The following KCNJ15 variants were observed in gnomAD, a reference collection of about 807,000 sequenced individuals.
KCNJ15 encodes the protein ATP-sensitive inward rectifier potassium channel 15.
In KCNJ15, 14 loss-of-function variants were observed where a neutral mutation model predicts 23.0. That is an observed-to-expected ratio of 0.61 (90% CI 0.40 to 0.95). KCNJ15 has a LOEUF of 0.95. KCNJ15 is among the 40% of genes least tolerant of loss of function. The pLI is 0.00. For synonymous variants in KCNJ15, 185 were observed against 183.2 expected (o/e 1.01, Z -0.08); for missense variants, 388 against 461.8 (o/e 0.84, Z 1.46).
At chr21:38,238,538 G>C (rs1978776144) in intron 1 of KCNJ15, 1 of 639,142 alleles carries the variant, frequency 1.6e-6, no homozygotes, top group Non-Finnish European at 3.0e-6. Context: ...AATGCCACCG[G>C]GACATGGTGC....
intron 1 of KCNJ15, among the ~76,000 whole-genome samples, chr21:38,271,812 G>T (rs1357953288): frequency 6.6e-6 from 1 of 152,262 alleles, no homozygotes; most frequent in East Asian, 1.9e-4. Flanking sequence ...GGAAGAAAAC[G>T]CCCATAGAAA....
At chr21:38,234,837 T>C (rs1978494678) in intron 1 of KCNJ15, among the ~76,000 whole-genome samples, 2 of 152,252 alleles carry the variant, frequency 1.3e-5, no homozygotes, top group African/African-American at 4.8e-5. Context: ...TTAAAATTTG[T>C]TCAGCATCCC....
At position 38,300,798 on chromosome 21, in the gene KCNJ15, TG is replaced by T; in HGVS notation, c.*411del. ...GACCTTATGGCTGAGAGTTGAATTG[TG>T]GTTCAGTATTCATTGATCTCACTGC... On this transcript the variant is annotated 3_prime_UTR_variant, in exon 3 of 3. Coordinates refer to ENST00000398938, the MANE Select transcript of KCNJ15 (RefSeq NM_170736.3). 5.7e-6 allele frequency: 1 copy of T among 175,664 alleles called. No individual in the cohort carries two copies. The allele number at this position is 175,664 out of a possible 1,614,324, so 10.9% of individuals were successfully genotyped here.
At chr21:38,263,246 T>C (rs2836256) in intron 1 of KCNJ15, among the ~76,000 whole-genome samples, 1 of 152,072 alleles carries the variant, frequency 6.6e-6, no homozygotes, top group African/African-American at 2.4e-5. Context: ...GACCCTATAC[T>C]TCCTGTCTCT....
intron 1 of KCNJ15, among the ~76,000 whole-genome samples, chr21:38,234,744 A>C (rs1480545144): frequency 6.6e-6 from 1 of 152,264 alleles, no homozygotes; most frequent in Non-Finnish European, 1.5e-5. Flanking sequence ...TTCAACAAAT[A>C]TGAGTTTATG....
chr21:38,297,796 G>A (rs1021380251), intron 2 of KCNJ15, among the ~76,000 whole-genome samples: 1 of 152,114 alleles, frequency 6.6e-6, no homozygotes, highest in African/African-American at 2.4e-5. Flanking sequence ...AAATGAAAAC[G>A]TGACTTTCTA....
In KCNJ15 at chr21:38,250,710, A is replaced by G. The variant is rs115909870; in HGVS notation, c.-398-6336A>G. 2.4e-3 allele frequency among the ~76,000 whole-genome samples: 360 copies of G among 152,322 alleles called. 2 individuals are homozygous for G. Among genetic ancestry groups the G allele is most frequent in the African/African-American group, 8.4e-3 (351 of 41,564 alleles). ...CCATTGGCTTGGTGATTTGTTTTTA[A>G]AGCTGAAATGTGTGATTGATCATCA... On this transcript the variant is annotated intron_variant, in intron 1 of 4. Transcript: ENST00000547341.
intron 1 of KCNJ15, among the ~76,000 whole-genome samples, chr21:38,288,922 G>A (rs979878379): frequency 2.0e-5 from 3 of 152,130 alleles, no homozygotes; most frequent in Admixed American, 6.5e-5. Context: ...ACATTAAGCC[G>A]GGCGCGGTGG....
At chr21:38,263,625 A>G (rs1455728408) in intron 1 of KCNJ15, among the ~76,000 whole-genome samples, 1 of 152,142 alleles carries the variant, frequency 6.6e-6, no homozygotes, top group African/African-American at 2.4e-5. Flanking sequence ...TCCTCTGACT[A>G]ACGTTTCACA....
In KCNJ15 at chr21:38,301,685, G is replaced by A. The variant is rs1264025086; in HGVS notation, c.*1296G>A. On this transcript the variant is annotated 3_prime_UTR_variant, in exon 3 of 3. Coordinates refer to ENST00000398938, the MANE Select transcript of KCNJ15 (RefSeq NM_170736.3). ...CATGAACAAGATTTGAAAATCTCAA[G>A]CCTGTAAAGAATACCCCTGCTATTT... The A allele has an allele frequency of 1.2e-5, 2 of 166,982 alleles. No individual in the cohort carries two copies. The allele number at this position is 166,982 out of a possible 1,614,324, so 10.3% of individuals were successfully genotyped here.
chr21:38,251,774 T>G (rs1013988610), upstream of KCNJ15, among the ~76,000 whole-genome samples: 4 of 152,186 alleles, frequency 2.6e-5, no homozygotes, highest in African/African-American at 9.7e-5. Flanking sequence ...ATGTGGGACT[T>G]TAAGTGTTAA....
intron 2 of KCNJ15, among the ~76,000 whole-genome samples, chr21:38,297,712 T>C (rs1985305290): frequency 6.6e-6 from 1 of 152,222 alleles, no homozygotes; most frequent in Non-Finnish European, 1.5e-5. Flanking sequence ...TTCTTCTAAC[T>C]TGATCCCAAG....
At chr21:38,278,127 C>T (rs570148733) in intron 1 of KCNJ15, among the ~76,000 whole-genome samples, 250 of 141,676 alleles carry the variant, frequency 1.8e-3, no homozygotes, top group African/African-American at 6.3e-3. Flanking sequence ...TGTGTAGGAG[C>T]TTGCTTTTTG....
rs973535594 is a variant in KCNJ15 at position 38,306,554 on chromosome 21, C to T, written c.*6165C>T. 6.6e-6 allele frequency: 1 copy of T among 152,152 alleles called. No individual in the cohort carries two copies. The highest frequency in any genetic ancestry group is 2.4e-5 in the African/African-American group (1 of 41,424). The allele number at this position is 152,152 out of a possible 1,614,324, so 9.4% of individuals were successfully genotyped here. A position where few individuals can be genotyped will look rare whatever the true frequency, so the allele number is the denominator to read the frequency against. ...TGTAGTTTTAGCTGTATTCTTTCAT[C>T]TGCAATCAAATCTCAGGATTAAGGA... On this transcript the variant is annotated 3_prime_UTR_variant, in exon 3 of 3. Coordinates refer to ENST00000398938, the MANE Select transcript of KCNJ15 (RefSeq NM_170736.3).
chr21:38,252,084 C>G (rs1979878057), upstream of KCNJ15, among the ~76,000 whole-genome samples: 1 of 152,208 alleles, frequency 6.6e-6, no homozygotes, highest in Non-Finnish European at 1.5e-5. Flanking sequence ...ATTCTATAAC[C>G]AAAGCCATTT....
chr21:38,237,896 G>A (rs188518565), intron 1 of KCNJ15, among the ~76,000 whole-genome samples: 12 of 152,276 alleles, frequency 7.9e-5, no homozygotes, highest in Admixed American at 1.3e-4. Flanking sequence ...AAGATCCATC[G>A]CAATGGTATG....
chr21:38,292,379 T>A (rs1264215890), intron 1 of KCNJ15, among the ~76,000 whole-genome samples: 1 of 152,130 alleles, frequency 6.6e-6, no homozygotes, highest in Non-Finnish European at 1.5e-5. Context: ...GGCGGCCCAG[T>A]GTGTCTATGT....
chr21:38,267,666 T>A (rs574594973), intron 1 of KCNJ15, among the ~76,000 whole-genome samples: 2 of 152,184 alleles, frequency 1.3e-5, no homozygotes, highest in East Asian at 3.9e-4. Flanking sequence ...AACAGTGGAA[T>A]AGGAAGGCTT....
At chr21:38,248,397 G>T (rs910321185) in intron 1 of KCNJ15, among the ~76,000 whole-genome samples, 14 of 152,144 alleles carry the variant, frequency 9.2e-5, no homozygotes, top group Admixed American at 5.9e-4. Context: ...AGGAAAACTG[G>T]CATGATAAAG....
Sources: allele counts gnomAD v4.1 joint callset (sites outside exome capture counted in the v4.1 genomes callset), GRCh38; gene constraint gnomAD v4.1.1; transcripts MANE v1.5; gene names NCBI Gene and HGNC (gene_info 2026-07-23, HGNC 2026-07-21).